The following MYRIP variants were observed in gnomAD, a reference collection of about 807,000 sequenced individuals.
MYRIP encodes the protein myosin VIIA and Rab interacting protein.
Under a neutral mutation model 98.0 loss-of-function variants are expected in MYRIP, and 49 were observed. The observed-to-expected ratio is 0.50, with a 90% confidence interval of 0.40 to 0.63. The LOEUF is 0.63. Ranked by LOEUF, MYRIP falls within the 30% of genes least tolerant of loss-of-function variation. The probability of loss-of-function intolerance (pLI) is 0.00; values close to 1 mark genes in which losing one functional copy is unlikely to be tolerated. For missense variants in MYRIP, 1,004 were observed against 1,058.2 expected (o/e 0.95, Z 0.71); for synonymous variants, 404 against 409.5 (o/e 0.99, Z 0.16).
At chr3:39,982,768 C>T (rs912999568) in intron 2 of MYRIP, among the ~76,000 whole-genome samples, 1 of 152,136 alleles carries the variant, frequency 6.6e-6, no homozygotes, top group African/African-American at 2.4e-5. Flanking sequence ...AATTACCATG[C>T]CTCATTTCTG....
chr3:40,188,842 G>A (rs567412674), intron 9 of MYRIP, among the ~76,000 whole-genome samples: 6 of 151,850 alleles, frequency 4.0e-5, no homozygotes, highest in Non-Finnish European at 7.4e-5. Context: ...GGCCAAGTAC[G>A]AATAGCTAAC....
chr3:40,257,605 A>G (rs540908939), intron 16 of MYRIP, among the ~76,000 whole-genome samples: 1 of 152,326 alleles, frequency 6.6e-6, no homozygotes, highest in South Asian at 2.1e-4. Flanking sequence ...GCTTAATCCA[A>G]TTTTCATAAA....
At chr3:40,115,913 G>T (rs1037630927) in intron 3 of MYRIP, among the ~76,000 whole-genome samples, 2 of 152,006 alleles carry the variant, frequency 1.3e-5, no homozygotes, top group Non-Finnish European at 2.9e-5. Flanking sequence ...ACCAAAACTA[G>T]GCTCTGAGGT....
At chr3:40,165,487 T>C (rs1335331200) in intron 5 of MYRIP, among the ~76,000 whole-genome samples, 1 of 152,190 alleles carries the variant, frequency 6.6e-6, no homozygotes, top group African/African-American at 2.4e-5. Context: ...TGTTAAATAA[T>C]ATATGAGTAG....
intron 3 of MYRIP, among the ~76,000 whole-genome samples, chr3:40,145,680 G>A (rs910371154): frequency 4.6e-5 from 7 of 152,200 alleles, no homozygotes; most frequent in Admixed American, 6.5e-5. Flanking sequence ...GCTGCTTTAC[G>A]TCTAGGATCC....
intron 3 of MYRIP, among the ~76,000 whole-genome samples, chr3:40,092,773 C>T (rs1028831140): frequency 6.6e-5 from 10 of 152,180 alleles, no homozygotes; most frequent in African/African-American, 2.4e-4. Context: ...GGATTTGAAA[C>T]AGTTTATTTG....
chr3:39,929,859 A>G (rs1184856848), intron 2 of MYRIP, among the ~76,000 whole-genome samples: 1 of 151,890 alleles, frequency 6.6e-6, no homozygotes, highest in African/African-American at 2.4e-5. Context: ...GGGCTTTTTC[A>G]ACTTGGCATG....
At chr3:40,010,137 G>A (rs1246496558) in intron 2 of MYRIP, among the ~76,000 whole-genome samples, 1 of 152,238 alleles carries the variant, frequency 6.6e-6, no homozygotes, top group African/African-American at 2.4e-5. Flanking sequence ...CAGGGTGCCT[G>A]AGGGAATGGA....
At chr3:39,987,942 A>C (rs983033528) in intron 2 of MYRIP, among the ~76,000 whole-genome samples, 1 of 152,230 alleles carries the variant, frequency 6.6e-6, no homozygotes, top group Non-Finnish European at 1.5e-5. Flanking sequence ...TGGATTAAGA[A>C]AATGTGGCAC....
chr3:39,913,714 G>T (rs1180532393), intron 2 of MYRIP, among the ~76,000 whole-genome samples: 2 of 152,122 alleles, frequency 1.3e-5, no homozygotes, highest in Non-Finnish European at 2.9e-5. Flanking sequence ...ATGCCTTAGG[G>T]CAGTCTAACA....
At position 40,257,415 on chromosome 3, in the gene MYRIP, AG is replaced by A. The variant is rs1432773867; in HGVS notation, c.2548-718del. ...CAATCCCATTTATGCTGGAGATTGC[AG>A]TTTTTTGAATTTTTGCATGAGTGAA... On this transcript the variant is annotated intron_variant, in intron 16 of 16. Transcript: ENST00000302541. 3.9e-5 allele frequency among the ~76,000 whole-genome samples: 6 copies of A among 152,334 alleles called. No individual in the cohort carries two copies. In the East Asian group the frequency reaches 9.6e-4, roughly 24 times the overall value.
chr3:39,871,413 C>G (rs2125630188), intron 1 of MYRIP, among the ~76,000 whole-genome samples: 1 of 152,232 alleles, frequency 6.6e-6, no homozygotes, highest in African/African-American at 2.4e-5. Flanking sequence ...GGAGGAAAAT[C>G]TTTAGTCAGC....
At chr3:40,107,931 G>A (rs956409830) in intron 3 of MYRIP, among the ~76,000 whole-genome samples, 1 of 152,180 alleles carries the variant, frequency 6.6e-6, no homozygotes, top group Non-Finnish European at 1.5e-5. Flanking sequence ...AAGTTAATTG[G>A]GAGTCATCTT....
chr3:40,194,906 G>GT (rs1176626528), intron 10 of MYRIP, among the ~76,000 whole-genome samples: 1 of 152,082 alleles, frequency 6.6e-6, no homozygotes, highest in African/African-American at 2.4e-5. Context: ...TTATAACTTA[G>GT]TTCCCTAATG....
intron 4 of MYRIP, among the ~76,000 whole-genome samples, chr3:40,153,941 A>T (rs1053361184): frequency 3.9e-5 from 6 of 152,088 alleles, no homozygotes; most frequent in Non-Finnish European, 7.4e-5. Flanking sequence ...GGAGATCGAG[A>T]ATATCCTGGC....
At chr3:39,937,625 T>C (rs1324017054) in intron 2 of MYRIP, among the ~76,000 whole-genome samples, 1 of 152,170 alleles carries the variant, frequency 6.6e-6, no homozygotes, top group Non-Finnish European at 1.5e-5. Flanking sequence ...AGGGAGCTTA[T>C]GAAAGGGACT....
Position 40,155,381 on chromosome 3 carries a change from C to T in MYRIP, c.469+4197C>T, listed in dbSNP as rs1277837609. Among the ~76,000 whole-genome samples, 5 of 150,992 alleles carry T rather than the reference C, an allele frequency of 3.3e-5. No individual in the cohort carries two copies. The East Asian group carries it at 9.7e-4, about 29-fold the overall frequency. Reference sequence around the variant, plus strand: ...GTATATGTGCCACATTTTCTTAATCCAGTCTATCATTGTTGGACATTTGGG... The same window carrying T: ...GTATATGTGCCACATTTTCTTAATCTAGTCTATCATTGTTGGACATTTGGG... On this transcript the variant is annotated intron_variant, in intron 4 of 16. Transcript: ENST00000302541.
intron 13 of MYRIP, 169 bp downstream of exon 13, chr3:40,244,776 A>G: frequency 1.4e-6 from 1 of 740,666 alleles, no homozygotes; most frequent in Non-Finnish European, 2.1e-6. Flanking sequence ...TCCCTTTAAA[A>G]GTGTAGTCCT....
chr3:39,958,149 T>C lies in MYRIP; in HGVS notation c.110+57223T>C, dbSNP rs939468931. Among the ~76,000 whole-genome samples the C allele has an allele frequency of 5.9e-5, 9 of 152,308 alleles. No individual in the cohort carries two copies. The East Asian group carries it at 1.2e-3, about 20-fold the overall frequency. On this transcript the variant is annotated intron_variant, in intron 2 of 16. Transcript: ENST00000302541. The stretch of plus-strand genomic sequence containing the variant: ...AATGCCATCCCTATCAAGCTACCAA[T>C]GACTTTCTTCACAGAATTGGAAAAA...
Sources: allele counts gnomAD v4.1 joint callset (sites outside exome capture counted in the v4.1 genomes callset), GRCh38; gene constraint gnomAD v4.1.1; transcripts MANE v1.5; gene names NCBI Gene and HGNC (gene_info 2026-07-23, HGNC 2026-07-21).